Variants in SAE1 observed in about 807,000 individuals in gnomAD.
SAE1 encodes the protein SUMO1 activating enzyme subunit 1.
Under a neutral mutation model 40.6 loss-of-function variants are expected in SAE1, and 11 were observed. That is an observed-to-expected ratio of 0.27 (90% CI 0.17 to 0.45). The LOEUF (loss-of-function observed/expected upper bound fraction) is 0.45, where lower values mean the gene tolerates loss of function less well. Ranked by LOEUF, SAE1 falls within the 20% of genes least tolerant of loss-of-function variation. The pLI, the probability that SAE1 is intolerant of heterozygous loss-of-function variation, is 1.00. For missense variants in SAE1, 373 were observed against 427.3 expected (o/e 0.87, Z 1.12); for synonymous variants, 155 against 154.3 (o/e 1.00, Z -0.03).
At chr19:47,195,995 A>G (rs1440651144) in intron 6 of SAE1, among the ~76,000 whole-genome samples, 1 of 150,406 alleles carries the variant, frequency 6.6e-6, no homozygotes, top group Non-Finnish European at 1.5e-5. Flanking sequence ...TGGCCCCCCA[A>G]AGTGTTGGGA....
chr19:47,135,659 G>A (rs1361542426), intron 1 of SAE1: 1 of 151,980 alleles, frequency 6.6e-6, no homozygotes, highest in African/African-American at 2.4e-5. Context: ...CGTGTCACAA[G>A]CCCAGCTAAT....
chr19:47,141,693 G>A (rs191561124), intron 1 of SAE1, among the ~76,000 whole-genome samples: 3 of 152,214 alleles, frequency 2.0e-5, no homozygotes, highest in East Asian at 1.9e-4. Flanking sequence ...TGCATTTTGC[G>A]AGGGTGGAAT....
At chr19:47,164,431 T>C (rs759609829) in intron 5 of SAE1, among the ~76,000 whole-genome samples, 12 of 152,146 alleles carry the variant, frequency 7.9e-5, no homozygotes, top group South Asian at 6.2e-4. Context: ...CCTCCCAAAG[T>C]GCTGGGATTA....
At chr19:47,179,152 A>G (rs1437015214) in intron 6 of SAE1, among the ~76,000 whole-genome samples, 1 of 149,184 alleles carries the variant, frequency 6.7e-6, no homozygotes, top group African/African-American at 2.5e-5. Context: ...AGATCTCACC[A>G]CTGCACTCCA....
chr19:47,136,749 C>G (rs2058183047), intron 1 of SAE1, among the ~76,000 whole-genome samples: 1 of 152,198 alleles, frequency 6.6e-6, no homozygotes. Context: ...CTTGGCCTCC[C>G]AAAGTGCTGG....
chr19:47,195,465 T>C (rs1308768697), intron 6 of SAE1, among the ~76,000 whole-genome samples: 3 of 152,208 alleles, frequency 2.0e-5, no homozygotes, highest in African/African-American at 7.2e-5. Flanking sequence ...ACCTTTCCTC[T>C]GGTTCACAAC....
intron 6 of SAE1, chr19:47,180,377 C>G (rs371801413): frequency 2.5e-5 from 10 of 396,942 alleles, no homozygotes; most frequent in Middle Eastern, 3.6e-4. Flanking sequence ...GTCAAAAGAA[C>G]AAGAAGAATA....
intron 6 of SAE1, among the ~76,000 whole-genome samples, chr19:47,172,677 G>A (rs1278554363): frequency 2.0e-5 from 3 of 151,644 alleles, no homozygotes; most frequent in Non-Finnish European, 4.4e-5. Flanking sequence ...TCCAGCCTGG[G>A]TGACAGAGCT....
At chr19:47,134,884 A>C (rs540679400) in intron 1 of SAE1, among the ~76,000 whole-genome samples, 1 of 152,220 alleles carries the variant, frequency 6.6e-6, no homozygotes, top group African/African-American at 2.4e-5. Context: ...AGCTGTACCA[A>C]ATTTGGTGGA....
At chr19:47,143,700 G>T in intron 2 of SAE1, 95 bp downstream of exon 2, 1 of 876,158 alleles carries the variant, frequency 1.1e-6, no homozygotes, top group Non-Finnish European at 1.9e-6. Context: ...TGCCTTAAGG[G>T]CTGTGAAAGG....
intron 1 of SAE1, among the ~76,000 whole-genome samples, chr19:47,140,139 T>C (rs1384645786): frequency 6.7e-6 from 1 of 148,278 alleles, no homozygotes; most frequent in Non-Finnish European, 1.5e-5. Context: ...CAGACCCTTG[T>C]TCTGTTGCCC....
intron 2 of SAE1, among the ~76,000 whole-genome samples, chr19:47,147,629 T>C (rs2058262491): frequency 6.6e-6 from 1 of 150,700 alleles, no homozygotes; most frequent in Admixed American, 6.6e-5. Flanking sequence ...ATTTTTGTAT[T>C]TTTAGTAGAG....
chr19:47,153,618 C>CTG (rs555755576), intron 4 of SAE1, among the ~76,000 whole-genome samples: 2 of 152,102 alleles, frequency 1.3e-5, no homozygotes, highest in Non-Finnish European at 2.9e-5. Context: ...TACCAAGAGA[C>CTG]TGAGAACTCT....
chr19:47,196,327 G>C (rs1464852746), intron 6 of SAE1, among the ~76,000 whole-genome samples: 1 of 94,494 alleles, frequency 1.1e-5, no homozygotes, highest in Non-Finnish European at 2.0e-5. Context: ...GAGCCACCGC[G>C]CCTGGCTTTT....
chr19:47,202,561 C>T (rs1386532688), intron 7 of SAE1, among the ~76,000 whole-genome samples: 1 of 150,738 alleles, frequency 6.6e-6, no homozygotes, highest in African/African-American at 2.4e-5. Flanking sequence ...GCTGGGATTA[C>T]AGGCATCAGC....
chr19:47,188,888 AACTGTGGAGGGCCTGGTC>A (rs780717255), intron 6 of SAE1, among the ~76,000 whole-genome samples: 2,116 of 152,270 alleles, frequency 0.014, 17 homozygotes, highest in Non-Finnish European at 0.023. Context: ...TGGTTCTGCC[AACTGTGGAGGGCCTGGTC>A]ACTTGACAAG....
chr19:47,201,899 C>T (rs2058657777), intron 7 of SAE1, among the ~76,000 whole-genome samples: 1 of 152,172 alleles, frequency 6.6e-6, no homozygotes, highest in Non-Finnish European at 1.5e-5. Flanking sequence ...TCCCAAAGTG[C>T]TGGGATTACA....
At chr19:47,174,741 T>G (rs1014755916) in intron 6 of SAE1, among the ~76,000 whole-genome samples, 1 of 151,454 alleles carries the variant, frequency 6.6e-6, no homozygotes, top group African/African-American at 2.4e-5. Flanking sequence ...CCCGGCTAAT[T>G]TTTTTGTATT....
intron 6 of SAE1, among the ~76,000 whole-genome samples, chr19:47,176,711 A>G (rs555243415): frequency 3.9e-5 from 6 of 152,264 alleles, no homozygotes; most frequent in African/African-American, 9.6e-5. Context: ...TGTGCTTGCC[A>G]TGTTTAGATA....
Sources: allele counts gnomAD v4.1 joint callset (sites outside exome capture counted in the v4.1 genomes callset), GRCh38; gene constraint gnomAD v4.1.1; transcripts MANE v1.5; gene names NCBI Gene and HGNC (gene_info 2026-07-23, HGNC 2026-07-21).